Variants in EPHB1 observed in about 807,000 individuals in gnomAD.
The protein encoded by EPHB1 is EPH receptor B1.
A neutral mutation model predicts 94.4 loss-of-function variants in EPHB1; 30 were observed. That is an observed-to-expected ratio of 0.32 (90% confidence interval 0.24 to 0.43). The LOEUF (loss-of-function observed/expected upper bound fraction) is 0.43. Among genes scored for constraint, EPHB1 ranks in the 20% least tolerant of loss-of-function variants. The pLI is 1.00. For missense variants in EPHB1, 1,055 were observed against 1,308.3 expected (o/e 0.81, Z 2.99); for synonymous variants, 522 against 489.1 (o/e 1.07, Z -0.89).
chr3:135,006,619 C>T (rs747932770), intron 3 of EPHB1, among the ~76,000 whole-genome samples: 5 of 152,150 alleles, frequency 3.3e-5, no homozygotes, highest in Non-Finnish European at 5.9e-5. Flanking sequence ...TGCTTAACCC[C>T]AAAAGTTCAA....
chr3:135,252,063 G>GTGTT (rs1464395429), intron 15 of EPHB1, among the ~76,000 whole-genome samples: 1 of 151,914 alleles, frequency 6.6e-6, no homozygotes, highest in African/African-American at 2.4e-5. Flanking sequence ...CATCTCATTA[G>GTGTT]TGTTTGTGAT....
chr3:134,977,636 GT>G (rs1349508573), intron 3 of EPHB1, among the ~76,000 whole-genome samples: 4 of 152,046 alleles, frequency 2.6e-5, no homozygotes, highest in Admixed American at 6.6e-5. Context: ...ACCTGCTTTG[GT>G]TTTCCATCTG....
At chr3:135,192,125 G>A (rs1400208503) in intron 10 of EPHB1, among the ~76,000 whole-genome samples, 3 of 152,176 alleles carry the variant, frequency 2.0e-5, no homozygotes, top group African/African-American at 7.2e-5. Flanking sequence ...AGCAGTGTAG[G>A]AACATAAACA....
intron 10 of EPHB1, among the ~76,000 whole-genome samples, chr3:135,180,400 C>T (rs1331904467): frequency 2.6e-5 from 4 of 152,188 alleles, no homozygotes; most frequent in African/African-American, 4.8e-5. Flanking sequence ...TCTCCATTTC[C>T]TATGTACATG....
At chr3:134,988,775 G>A (rs1225756924) in intron 3 of EPHB1, among the ~76,000 whole-genome samples, 1 of 152,152 alleles carries the variant, frequency 6.6e-6, no homozygotes, top group East Asian at 1.9e-4. Flanking sequence ...ATTTATTTCT[G>A]TATACTTGGA....
intron 12 of EPHB1, among the ~76,000 whole-genome samples, chr3:135,235,620 C>A (rs1410682145): frequency 6.6e-6 from 1 of 152,162 alleles, no homozygotes; most frequent in Non-Finnish European, 1.5e-5. Context: ...AACAAATAAA[C>A]TTTCCCCAGG....
At chr3:135,174,206 C>A (rs886609462) in intron 9 of EPHB1, among the ~76,000 whole-genome samples, 1 of 152,176 alleles carries the variant, frequency 6.6e-6, no homozygotes, top group Non-Finnish European at 1.5e-5. Context: ...CTGATGGAAC[C>A]ATTGTCAGCT....
chr3:135,042,850 T>C (rs953117070), intron 3 of EPHB1, among the ~76,000 whole-genome samples: 1 of 152,164 alleles, frequency 6.6e-6, no homozygotes, highest in Non-Finnish European at 1.5e-5. Flanking sequence ...TTTTATTTTT[T>C]ATTTTTTTTG....
At chr3:135,072,509 C>CA (rs1937758411) in intron 3 of EPHB1, among the ~76,000 whole-genome samples, 1 of 152,186 alleles carries the variant, frequency 6.6e-6, no homozygotes, top group Non-Finnish European at 1.5e-5. Context: ...TTCTGCTCTC[C>CA]AATGGTAGCT....
At chr3:134,974,060 T>C (rs1281896193) in intron 3 of EPHB1, among the ~76,000 whole-genome samples, 1 of 152,136 alleles carries the variant, frequency 6.6e-6, no homozygotes, top group Non-Finnish European at 1.5e-5. Context: ...GATATAGAGC[T>C]GCATATGGGC....
At chr3:135,093,763 G>A (rs1938647779) in intron 3 of EPHB1, among the ~76,000 whole-genome samples, 1 of 151,376 alleles carries the variant, frequency 6.6e-6, no homozygotes, top group Non-Finnish European at 1.5e-5. Flanking sequence ...AAAAGTATAA[G>A]TTCACTGCAT....
intron 3 of EPHB1, among the ~76,000 whole-genome samples, chr3:134,978,409 C>G (rs1934274611): frequency 6.6e-6 from 1 of 152,186 alleles, no homozygotes; most frequent in Non-Finnish European, 1.5e-5. Flanking sequence ...AAAACCCTGC[C>G]TTAGCACCAG....
chr3:134,944,813 G>A (rs1168560082), intron 2 of EPHB1, among the ~76,000 whole-genome samples: 1 of 152,202 alleles, frequency 6.6e-6, no homozygotes, highest in Non-Finnish European at 1.5e-5. Context: ...GTCAAAGGGT[G>A]TATGTAGTCA....
chr3:134,829,471 C>T (rs2036542331), intron 1 of EPHB1, among the ~76,000 whole-genome samples: 1 of 152,124 alleles, frequency 6.6e-6, no homozygotes, highest in South Asian at 2.1e-4. Flanking sequence ...GAGAAGGCAT[C>T]CCCTCAATAA....
intron 7 of EPHB1, among the ~76,000 whole-genome samples, chr3:135,165,038 G>C (rs1161258383): frequency 1.3e-5 from 2 of 152,154 alleles, no homozygotes; most frequent in African/African-American, 4.8e-5. Flanking sequence ...AACTCTAATT[G>C]TAATAGAACA....
intron 12 of EPHB1, among the ~76,000 whole-genome samples, chr3:135,233,254 G>C (rs374878760): frequency 6.6e-6 from 1 of 152,242 alleles, no homozygotes; most frequent in African/African-American, 2.4e-5. Flanking sequence ...AGTTACAATG[G>C]GGGTACAGGC....
At position 134,912,025 on chromosome 3, in the gene EPHB1, G is replaced by A. The variant is rs2107694936; in HGVS notation, c.59-13791G>A. 2.0e-5 allele frequency among the ~76,000 whole-genome samples: 3 copies of A among 152,324 alleles called. No individual in the cohort carries two copies. The South Asian group carries it at 6.2e-4, about 32-fold the overall frequency. Reference sequence around the variant, plus strand: ...GGCCCAGGAGGGCCTGGCAGGGAGAGGCAGATGGCAGCGTATTCCTTCTGA... The same window carrying A: ...GGCCCAGGAGGGCCTGGCAGGGAGAAGCAGATGGCAGCGTATTCCTTCTGA... On this transcript the variant is annotated intron_variant, in intron 1 of 15. Transcript: ENST00000398015.
chr3:135,031,727 G>A lies in EPHB1; in HGVS notation c.806-74721G>A, dbSNP rs1051716892. Among the ~76,000 whole-genome samples the A allele has an allele frequency of 3.3e-5, 5 of 152,226 alleles. No homozygotes were observed. The South Asian group carries it at 8.3e-4, about 25-fold the overall frequency. On this transcript the variant is annotated intron_variant, in intron 3 of 15. Transcript: ENST00000398015. Reference sequence around the variant, plus strand: ...TAATAACAAATATTATTTTCCAAATGCTCAGATAGTTCAGATGATCTCCCA... The same window carrying A: ...TAATAACAAATATTATTTTCCAAATACTCAGATAGTTCAGATGATCTCCCA...
At position 134,951,227 on chromosome 3, in the gene EPHB1, G is replaced by T; in HGVS notation, c.124-144G>T. On this transcript the variant is annotated intron_variant, in intron 2 of 15. Coordinates refer to ENST00000398015, the MANE Select transcript of EPHB1 (RefSeq NM_004441.5). This position sits in a 1 kb window ranked among gnomAD's most constrained non-coding sequence, Gnocchi z 4.5. ...TTAAAATCAAGTTGCGCTTAGATGT[G>T]TTCATTTCTCAAGTCAATCTGCTGG... 1 of 672,140 alleles carries T rather than the reference G, an allele frequency of 1.5e-6. No homozygotes were observed. 41.6% of individuals were successfully genotyped at this position (672,140 alleles called of 1,614,324 possible). A position where few individuals can be genotyped will look rare whatever the true frequency, so the allele number is the denominator to read the frequency against.
Sources: allele counts gnomAD v4.1 joint callset (sites outside exome capture counted in the v4.1 genomes callset), GRCh38; gene constraint gnomAD v4.1.1; non-coding constraint Gnocchi (gnomAD v3.1); transcripts MANE v1.5; gene names NCBI Gene and HGNC (gene_info 2026-07-23, HGNC 2026-07-21).